Variants in ELMO1 observed in about 807,000 individuals in gnomAD.
ELMO1 encodes the protein engulfment and cell motility protein 1.
ELMO1 carries 26 observed loss-of-function variants against 98.9 expected under a neutral mutation model. That is an observed-to-expected ratio of 0.26 (90% CI 0.19 to 0.36). The LOEUF is 0.36. ELMO1 is among the 10% of genes least tolerant of loss of function. The pLI, the probability that ELMO1 is intolerant of heterozygous loss-of-function variation, is 1.00. For missense variants in ELMO1, 627 were observed against 935.2 expected, an observed-to-expected ratio of 0.67 and a Z score of 4.30; for synonymous variants, 346 against 346.0, an observed-to-expected ratio of 1.00 and a Z score of 0.00.
chr7:37,032,260 C>T (rs1794925330), intron 15 of ELMO1, among the ~76,000 whole-genome samples: 1 of 152,100 alleles, frequency 6.6e-6, no homozygotes, highest in Non-Finnish European at 1.5e-5. Flanking sequence ...TGAAAAACAT[C>T]TAAGGGAGCA....
chr7:36,973,902 G>A (rs1282481737), intron 16 of ELMO1, among the ~76,000 whole-genome samples: 1 of 152,232 alleles, frequency 6.6e-6, no homozygotes, highest in Non-Finnish European at 1.5e-5. Context: ...TGCAGAGGGT[G>A]TACTGGGTCC....
chr7:36,961,769 A>G (rs970076247), intron 16 of ELMO1, among the ~76,000 whole-genome samples: 1 of 152,224 alleles, frequency 6.6e-6, no homozygotes, highest in Non-Finnish European at 1.5e-5. Flanking sequence ...AGTTTAACAT[A>G]GTGCTCTAAT....
intron 6 of ELMO1, among the ~76,000 whole-genome samples, chr7:37,253,123 T>C (rs554887945): frequency 9.2e-5 from 14 of 152,288 alleles, no homozygotes; most frequent in African/African-American, 3.4e-4. Context: ...TTTTACACTG[T>C]TGGTGAGAGT....
At chr7:36,983,965 ATTTT>A (rs60966397) in intron 16 of ELMO1, among the ~76,000 whole-genome samples, 16 of 143,620 alleles carry the variant, frequency 1.1e-4, no homozygotes, top group South Asian at 6.6e-4. Flanking sequence ...ACTGTTTTAG[ATTTT>A]TTTTTTTTTT....
At chr7:37,363,072 A>C (rs1801759639) in intron 1 of ELMO1, among the ~76,000 whole-genome samples, 1 of 152,170 alleles carries the variant, frequency 6.6e-6, no homozygotes, top group African/African-American at 2.4e-5. Flanking sequence ...AGTAACCTGA[A>C]ATGTTGAAGA....
At chr7:37,379,545 G>T (rs529128584) in intron 1 of ELMO1, among the ~76,000 whole-genome samples, 2 of 152,128 alleles carry the variant, frequency 1.3e-5, no homozygotes, top group East Asian at 3.9e-4. Context: ...ACTTCTTCTT[G>T]TCAATAAAAG....
At chr7:36,927,998 A>G (rs1325597163) in intron 16 of ELMO1, among the ~76,000 whole-genome samples, 1 of 152,238 alleles carries the variant, frequency 6.6e-6, no homozygotes, top group African/African-American at 2.4e-5. Flanking sequence ...CTGATTGTTC[A>G]GAAATCCAAA....
intron 2 of ELMO1, among the ~76,000 whole-genome samples, chr7:37,332,323 T>A (rs565684731): frequency 1.2e-4 from 19 of 152,372 alleles, no homozygotes; most frequent in African/African-American, 4.6e-4. Context: ...AGAAAAAGTA[T>A]AAATATCACT....
intron 6 of ELMO1, among the ~76,000 whole-genome samples, chr7:37,249,226 T>C (rs1795182878): frequency 6.6e-6 from 1 of 152,200 alleles, no homozygotes; most frequent in Admixed American, 6.5e-5. Flanking sequence ...AAGGTTAATA[T>C]GAGATGGAGG....
intron 16 of ELMO1, among the ~76,000 whole-genome samples, chr7:36,966,452 G>T (rs114230415): frequency 6.6e-6 from 1 of 152,098 alleles, no homozygotes; most frequent in Non-Finnish European, 1.5e-5. Flanking sequence ...GCTGTTTCAC[G>T]TGACAAGGTT....
At chr7:36,886,776 G>C (rs1805043615) in intron 18 of ELMO1, among the ~76,000 whole-genome samples, 1 of 152,100 alleles carries the variant, frequency 6.6e-6, no homozygotes. Context: ...CCACCTGTTG[G>C]GTCTACTCTT....
chr7:37,403,332 A>G (rs988679238), intron 1 of ELMO1, among the ~76,000 whole-genome samples: 11 of 152,106 alleles, frequency 7.2e-5, no homozygotes, highest in Admixed American at 1.3e-4. Flanking sequence ...GTGAGGTAGG[A>G]GGATCACTGG....
chr7:37,126,295 ATTT>A (rs1236719402), intron 14 of ELMO1, among the ~76,000 whole-genome samples: 25 of 100,916 alleles, frequency 2.5e-4, no homozygotes, highest in African/African-American at 1.3e-3. Flanking sequence ...TTAAAGTATA[ATTT>A]AAATATATAT....
intron 2 of ELMO1, among the ~76,000 whole-genome samples, chr7:37,326,412 G>A (rs1408462465): frequency 2.0e-5 from 3 of 151,882 alleles, no homozygotes; most frequent in African/African-American, 4.8e-5. Flanking sequence ...AAAATTAGCC[G>A]GGCGTGGTGG....
chr7:37,335,366 T>C (rs751633913), intron 2 of ELMO1, among the ~76,000 whole-genome samples: 6 of 152,028 alleles, frequency 3.9e-5, no homozygotes, highest in Non-Finnish European at 7.4e-5. Context: ...AGACCATGAA[T>C]GTGCGGGAAC....
At chr7:37,254,762 G>A (rs1795550547) in intron 6 of ELMO1, among the ~76,000 whole-genome samples, 1 of 152,210 alleles carries the variant, frequency 6.6e-6, no homozygotes, top group African/African-American at 2.4e-5. Flanking sequence ...TTCTTATGCA[G>A]TGCGTGACTG....
At chr7:37,188,355 C>T (rs1343190439) in intron 13 of ELMO1, among the ~76,000 whole-genome samples, 1 of 150,946 alleles carries the variant, frequency 6.6e-6, no homozygotes, top group Non-Finnish European at 1.5e-5. Context: ...TTGTACCTTA[C>T]AGTGTTTATT....
chr7:37,385,297 T>A (rs1479015516), intron 1 of ELMO1, among the ~76,000 whole-genome samples: 2 of 152,214 alleles, frequency 1.3e-5, no homozygotes, highest in Non-Finnish European at 2.9e-5. Flanking sequence ...CATCTGCCTC[T>A]ATGGTCTGGC....
Position 37,166,643 on chromosome 7 carries a change from C to T in ELMO1, c.1087-33409G>A, listed in dbSNP as rs543041684. Among the ~76,000 whole-genome samples, 392 of 152,164 alleles carry T rather than the reference C, an allele frequency of 2.6e-3. 3 individuals are homozygous for T. Among genetic ancestry groups the T allele is most frequent in the African/African-American group, 8.8e-3 (364 of 41,504 alleles). ...GTTGTTCAGTTTCCATGTAGTTGAG[C>T]GTTTTTGAGTGAGTTTCTTAATCCT... On this transcript the variant is annotated intron_variant, in intron 13 of 21. Transcript: ENST00000310758.
Sources: gnomAD v4.1 joint callset for allele counts (sites outside exome capture counted in the v4.1 genomes callset) on GRCh38, gnomAD v4.1.1 for gene constraint, MANE v1.5 for transcripts, NCBI Gene and HGNC (gene_info 2026-07-23, HGNC 2026-07-21) for gene names.